The following CLEC16A variants were observed in gnomAD, a reference collection of about 807,000 sequenced individuals.
The protein encoded by CLEC16A is protein CLEC16A.
CLEC16A carries 51 observed loss-of-function variants against 109.5 expected under a neutral mutation model. The ratio of observed to expected loss-of-function variants is 0.47; its 90% CI spans 0.37 to 0.59. The LOEUF (loss-of-function observed/expected upper bound fraction) is 0.59. CLEC16A is among the 20% of genes least tolerant of loss of function. The pLI, the probability that CLEC16A is intolerant of heterozygous loss-of-function variation, is 0.00. For synonymous variants in CLEC16A, 673 were observed against 564.2 expected (o/e 1.19, Z -2.73); for missense variants, 1,339 against 1,394.0 (o/e 0.96, Z 0.63).
chr16:11,162,207 C>T (rs766189350), intron 22 of CLEC16A, among the ~76,000 whole-genome samples: 7 of 152,218 alleles, frequency 4.6e-5, no homozygotes, highest in Non-Finnish European at 8.8e-5. Flanking sequence ...CTCTGGGCTG[C>T]GCCCCCCGAC....
At chr16:11,060,605 T>G (rs573205291) in intron 18 of CLEC16A, among the ~76,000 whole-genome samples, 1 of 152,180 alleles carries the variant, frequency 6.6e-6, no homozygotes, top group Admixed American at 6.5e-5. Context: ...GGGATTATTA[T>G]GAAGGTCACC....
In CLEC16A at chr16:11,086,582, G is replaced by C. The variant is rs2050021328; in HGVS notation, c.2116+25560G>C. On this transcript the variant is annotated intron_variant, in intron 19 of 23. Coordinates refer to ENST00000409790, the MANE Select transcript of CLEC16A (RefSeq NM_015226.3). The stretch of plus-strand genomic sequence containing the variant: ...TTTGAGACGGAGTTTTGCTCTTGTT[G>C]CCCAGGCTGGAGTGCAGTGTCGCTA... Among the ~76,000 whole-genome samples, 6 of 152,186 alleles carry C rather than the reference G, an allele frequency of 3.9e-5. No homozygotes were observed. The South Asian group carries it at 1.2e-3, about 32-fold the overall frequency.
chr16:11,044,413 T>C (rs77086270), intron 16 of CLEC16A, among the ~76,000 whole-genome samples: 440 of 152,312 alleles, frequency 2.9e-3, no homozygotes, highest in African/African-American at 0.01. Context: ...TGCACTTATG[T>C]TCATAAGTTA....
rs1365779761 is a variant in CLEC16A, at chr16:11,069,815, C to T, written c.2116+8793C>T. Among the ~76,000 whole-genome samples the T allele has an allele frequency of 4.6e-5, 7 of 150,952 alleles. No homozygotes were observed. The East Asian group carries it at 1.2e-3, about 25-fold the overall frequency. On this transcript the variant is annotated intron_variant, in intron 19 of 23. Transcript: ENST00000409790. Reference sequence around the variant, plus strand: ...TGAGCAGATTTTAAAAACAGTACAGCATAACAACTATTTACATAGCCATCT... The same window carrying T: ...TGAGCAGATTTTAAAAACAGTACAGTATAACAACTATTTACATAGCCATCT...
intron 10 of CLEC16A, 87 bp from the exon 11 acceptor site, chr16:11,002,987 T>C: frequency 9.5e-7 from 1 of 1,047,950 alleles, no homozygotes; most frequent in Non-Finnish European, 1.4e-6. Context: ...ATGAGTTTCT[T>C]AGGACAGAAA....
At chr16:10,990,343 C>T (rs1051845332) in intron 10 of CLEC16A, among the ~76,000 whole-genome samples, 9 of 152,218 alleles carry the variant, frequency 5.9e-5, no homozygotes, top group East Asian at 1.9e-4. Flanking sequence ...CAGAGTGCAA[C>T]ATGAGGTCCG....
intron 18 of CLEC16A, among the ~76,000 whole-genome samples, chr16:11,056,372 G>A (rs377240268): frequency 3.3e-5 from 5 of 152,310 alleles, no homozygotes; most frequent in African/African-American, 9.6e-5. Flanking sequence ...AAGTGCTCAG[G>A]AAGCATTGTC....
At chr16:10,994,588 C>T (rs2044223070) in intron 10 of CLEC16A, among the ~76,000 whole-genome samples, 1 of 152,082 alleles carries the variant, frequency 6.6e-6, no homozygotes, top group South Asian at 2.1e-4. Context: ...TCTGTGGTCC[C>T]AGCTACATGG....
chr16:11,172,287 C>T (rs1235224651), intron 23 of CLEC16A, among the ~76,000 whole-genome samples: 3 of 152,156 alleles, frequency 2.0e-5, no homozygotes, highest in African/African-American at 7.2e-5. Context: ...CACATACCTG[C>T]ACCTACACAT....
chr16:11,118,632 C>G (rs1334715946), intron 19 of CLEC16A, among the ~76,000 whole-genome samples: 1 of 152,184 alleles, frequency 6.6e-6, no homozygotes, highest in Non-Finnish European at 1.5e-5. Context: ...TACTGAGGTT[C>G]TTGGTTTAAG....
intron 12 of CLEC16A, among the ~76,000 whole-genome samples, chr16:11,020,787 C>T (rs1051221277): frequency 6.6e-6 from 1 of 152,258 alleles, no homozygotes; most frequent in Non-Finnish European, 1.5e-5. Flanking sequence ...TGCTGCCATC[C>T]ACCTTTGACT....
Position 11,042,378 on chromosome 16 carries a change from G to C in CLEC16A, c.1770+15G>C, listed in dbSNP as rs201423270. 2 of 1,544,856 alleles carry C rather than the reference G, an allele frequency of 1.3e-6. No individual in the cohort carries two copies. Among genetic ancestry groups the C allele is most frequent in the Non-Finnish European group, 1.8e-6 (2 of 1,137,788 alleles). On this transcript the variant is annotated intron_variant, in intron 15 of 23. Transcript: ENST00000409790. ...CCTGCCTGGAGGTAACGCCCTCTCC[G>C]CTCCTCCTTCCTGTGGGCCAAGGGA...
chr16:11,095,823 A>G (rs2050577400), intron 19 of CLEC16A, among the ~76,000 whole-genome samples: 1 of 151,142 alleles, frequency 6.6e-6, no homozygotes, highest in Non-Finnish European at 1.5e-5. Flanking sequence ...AAAAGAAAAA[A>G]AAAAAAAAAA....
intron 13 of CLEC16A, among the ~76,000 whole-genome samples, chr16:11,031,393 G>T (rs377153392): frequency 6.6e-6 from 1 of 152,176 alleles, no homozygotes; most frequent in African/African-American, 2.4e-5. Context: ...GAGCAGAGAC[G>T]TCATGGCTTA....
At chr16:11,161,183 C>T (rs1289441758) in intron 22 of CLEC16A, among the ~76,000 whole-genome samples, 20 of 152,186 alleles carry the variant, frequency 1.3e-4, no homozygotes, top group Non-Finnish European at 2.6e-4. Flanking sequence ...TAATGATAAT[C>T]ATCACACTAA....
chr16:11,007,031 G>A (rs1295077336), intron 11 of CLEC16A, among the ~76,000 whole-genome samples: 2 of 152,174 alleles, frequency 1.3e-5, no homozygotes, highest in Admixed American at 6.5e-5. Context: ...TTTTTAGCTT[G>A]CCCTTGAGTC....
At chr16:11,005,223 C>G (rs2044926078) in intron 11 of CLEC16A, among the ~76,000 whole-genome samples, 1 of 152,214 alleles carries the variant, frequency 6.6e-6, no homozygotes, top group Non-Finnish European at 1.5e-5. Flanking sequence ...CCAGCCCAGT[C>G]CTGGCACACA....
At chr16:11,086,140 A>T (rs1375451433) in intron 19 of CLEC16A, among the ~76,000 whole-genome samples, 1 of 152,178 alleles carries the variant, frequency 6.6e-6, no homozygotes, top group East Asian at 1.9e-4. Flanking sequence ...GTTTCCAGGG[A>T]ACTTTGGCTT....
chr16:11,123,931 A>T lies in CLEC16A; in HGVS notation c.2458A>T (p.Met820Leu). ...KGRIQARRMKMQRIAALLDLP... is the reference protein window; with the variant it reads ...KGRIQARRMKLQRIAALLDLP... Reference sequence around the variant, plus strand: ...CCGCATCCAGGCAAGGCGCATGAAGATGCAGAGAATAGCTGGTGAGTGGCT... The same window carrying T: ...CCGCATCCAGGCAAGGCGCATGAAGTTGCAGAGAATAGCTGGTGAGTGGCT... Residue 820 changes from methionine (M) to leucine (L), a missense_variant, in exon 21 of 24, where the codon ATG (methionine) becomes TTG (leucine). Coordinates refer to ENST00000409790, the MANE Select transcript of CLEC16A (RefSeq NM_015226.3). The T allele has an allele frequency of 6.2e-7, 1 of 1,610,486 alleles. No individual in the cohort carries two copies. Among genetic ancestry groups the T allele is most frequent in the East Asian group, 2.2e-5 (1 of 44,728 alleles).
Sources: allele counts gnomAD v4.1 joint callset (sites outside exome capture counted in the v4.1 genomes callset), GRCh38; gene constraint gnomAD v4.1.1; transcripts MANE v1.5; gene names NCBI Gene and HGNC (gene_info 2026-07-23, HGNC 2026-07-21).